Variants in TTLL5 observed in about 807,000 individuals in gnomAD.
TTLL5 encodes the protein tubulin polyglutamylase TTLL5.
TTLL5 carries 132 observed loss-of-function variants against 168.4 expected under a neutral mutation model. The observed-to-expected ratio is 0.78, with a 90% CI of 0.68 to 0.91. The LOEUF (loss-of-function observed/expected upper bound fraction) is 0.91, where lower values mean the gene tolerates loss of function less well. TTLL5 is among the 40% of genes least tolerant of loss of function. The pLI is 0.00. For missense variants in TTLL5, 1,545 were observed against 1,581.5 expected, an observed-to-expected ratio of 0.98 and a Z score of 0.39; for synonymous variants, 546 against 558.6, an observed-to-expected ratio of 0.98 and a Z score of 0.32.
chr14:75,674,019 G>A (rs557946834), intron 3 of TTLL5, among the ~76,000 whole-genome samples: 336 of 152,186 alleles, frequency 2.2e-3, no homozygotes, highest in African/African-American at 4.6e-3. Context: ...TAAAGTAATC[G>A]ATGTATTCTA....
At position 75,688,388 on chromosome 14, in the gene TTLL5, G is replaced by A. The variant is rs118061873; in HGVS notation, c.372-1804G>A. ...TTGGCCAGTAGTGTGCCTGGAGATCGCATAGAGGTTCTGTGCCTCCTTTCT... is the reference window on the plus strand; with the variant it reads ...TTGGCCAGTAGTGTGCCTGGAGATCACATAGAGGTTCTGTGCCTCCTTTCT... On this transcript the variant is annotated intron_variant, in intron 5 of 31. Transcript: ENST00000298832. Among the ~76,000 whole-genome samples the A allele has an allele frequency of 2.9e-3, 437 of 152,296 alleles. 1 individual carries two copies. The highest frequency in any genetic ancestry group is 6.8e-3 in the Middle Eastern group (2 of 294).
chr14:75,686,835 T>C (rs1331265674), intron 5 of TTLL5, among the ~76,000 whole-genome samples: 1 of 152,200 alleles, frequency 6.6e-6, no homozygotes, highest in Non-Finnish European at 1.5e-5. Flanking sequence ...TTTTTTTCAC[T>C]ATCTGAGTAA....
At chr14:75,665,914 A>G (rs1429200140) in intron 2 of TTLL5, among the ~76,000 whole-genome samples, 1 of 152,220 alleles carries the variant, frequency 6.6e-6, no homozygotes, top group East Asian at 1.9e-4. Context: ...AGATAATGCT[A>G]ATATTACTAT....
intron 27 of TTLL5, among the ~76,000 whole-genome samples, chr14:75,793,564 C>T (rs61151611): frequency 0.015 from 2,257 of 151,926 alleles, 54 homozygotes; most frequent in African/African-American, 0.052. Context: ...TTCATTATAC[C>T]CTTATCCAAT....
intron 31 of TTLL5, among the ~76,000 whole-genome samples, chr14:75,921,697 C>T (rs2033829628): frequency 6.6e-6 from 1 of 152,146 alleles, no homozygotes; most frequent in African/African-American, 2.4e-5. Context: ...TTAGGATTGT[C>T]TTGGCAATGT....
intron 31 of TTLL5, among the ~76,000 whole-genome samples, chr14:75,913,482 C>A (rs571866494): frequency 6.6e-6 from 1 of 152,032 alleles, no homozygotes; most frequent in African/African-American, 2.4e-5. Flanking sequence ...TCCTGGAATG[C>A]GAGGATCAGG....
intron 17 of TTLL5, among the ~76,000 whole-genome samples, chr14:75,750,078 T>C (rs940618876): frequency 6.6e-6 from 1 of 152,152 alleles, no homozygotes; most frequent in African/African-American, 2.4e-5. Context: ...AGTAAAACAA[T>C]GTGACTTGTC....
chr14:75,849,358 AT>A (rs1203126573), intron 28 of TTLL5, among the ~76,000 whole-genome samples: 5 of 152,170 alleles, frequency 3.3e-5, no homozygotes, highest in African/African-American at 1.2e-4. Flanking sequence ...TCTCTGTTGA[AT>A]TTACTATATC....
chr14:75,844,993 C>G (rs902825290), intron 28 of TTLL5, among the ~76,000 whole-genome samples: 1 of 152,174 alleles, frequency 6.6e-6, no homozygotes, highest in Non-Finnish European at 1.5e-5. Context: ...TCCTATTGTT[C>G]CCTGTTCTTT....
chr14:75,886,694 A>C (rs1463163202), intron 30 of TTLL5: 11 of 1,597,812 alleles, frequency 6.9e-6, no homozygotes, highest in African/African-American at 1.3e-5. Flanking sequence ...ACACTTCATA[A>C]TTTAGTACCC....
chr14:75,820,025 G>T lies in TTLL5; in HGVS notation c.3190G>T (p.Ala1064Ser). Reference sequence around the variant, plus strand: ...TTTCTAGGTAACAAACCTGAATTTGGCAACTGGCATCATAAACAGAAGCAG... The same window carrying T: ...TTTCTAGGTAACAAACCTGAATTTGTCAACTGGCATCATAAACAGAAGCAG... ...LTQQVTNLNL[A>S]TGIINRSSAS... The change falls in exon 28 of 32, where the codon GCA becomes TCA. Residue 1064 changes from alanine (A) to serine (S), a missense_variant. Physicochemically the swap from Ala to Ser is moderately conservative, Grantham distance 99. Coordinates refer to ENST00000298832, the MANE Select transcript of TTLL5 (RefSeq NM_015072.5). 6.2e-7 allele frequency: 1 copy of T among 1,601,360 alleles called. No homozygotes were observed. The highest frequency in any genetic ancestry group is 1.3e-5 in the African/African-American group (1 of 74,128).
At chr14:75,914,684 C>T (rs993059004) in intron 31 of TTLL5, among the ~76,000 whole-genome samples, 2 of 138,886 alleles carry the variant, frequency 1.4e-5, no homozygotes, top group Non-Finnish European at 3.0e-5. Context: ...AATGCAATGG[C>T]CCAATCTCGG....
chr14:75,812,174 A>G (rs1234943697), intron 27 of TTLL5, among the ~76,000 whole-genome samples: 2 of 152,180 alleles, frequency 1.3e-5, no homozygotes, highest in African/African-American at 2.4e-5. Context: ...AGAGAATGGG[A>G]GTGGAACATC....
intron 31 of TTLL5, among the ~76,000 whole-genome samples, chr14:75,941,023 A>C (rs551082891): frequency 6.6e-6 from 1 of 152,338 alleles, no homozygotes; most frequent in South Asian, 2.1e-4. Context: ...ATAGATGGAC[A>C]CTTGAGCTCT....
chr14:75,780,972 G>C (rs1892012534), intron 24 of TTLL5, among the ~76,000 whole-genome samples: 1 of 152,114 alleles, frequency 6.6e-6, no homozygotes, highest in African/African-American at 2.4e-5. Context: ...TTTATTGTCT[G>C]GTAGGTAAAA....
At chr14:75,909,975 G>A (rs1756110753) in intron 31 of TTLL5, among the ~76,000 whole-genome samples, 1 of 152,206 alleles carries the variant, frequency 6.6e-6, no homozygotes, top group South Asian at 2.1e-4. Flanking sequence ...TTGGAAGTGA[G>A]GAAGAAGACA....
intron 29 of TTLL5, among the ~76,000 whole-genome samples, chr14:75,864,405 T>A (rs990462537): frequency 1.3e-5 from 2 of 152,214 alleles, no homozygotes; most frequent in African/African-American, 4.8e-5. Flanking sequence ...TTTACTGTGA[T>A]TCTACTGTGT....
intron 27 of TTLL5, among the ~76,000 whole-genome samples, chr14:75,811,684 C>T (rs532857780): frequency 6.6e-6 from 1 of 152,290 alleles, no homozygotes; most frequent in South Asian, 2.1e-4. Context: ...CACTTACTAT[C>T]TTTGAGGTGT....
intron 16 of TTLL5, 55 bp downstream of exon 16, chr14:75,745,263 T>C: frequency 2.0e-6 from 3 of 1,513,408 alleles, no homozygotes; most frequent in Non-Finnish European, 2.7e-6. Flanking sequence ...TTAGTGAAAA[T>C]TAGTGAGTGA....
Sources: gnomAD v4.1 joint callset for allele counts (sites outside exome capture counted in the v4.1 genomes callset) on GRCh38, gnomAD v4.1.1 for gene constraint, MANE v1.5 for transcripts, NCBI Gene and HGNC (gene_info 2026-07-23, HGNC 2026-07-21) for gene names.